Variants in HSCB observed in about 807,000 individuals in gnomAD.
HSCB encodes the protein HscB mitochondrial iron-sulfur cluster cochaperone, also known as iron-sulfur cluster co-chaperone protein HscB.
Under a neutral mutation model 31.3 loss-of-function variants are expected in HSCB, and 23 were observed. The observed-to-expected ratio is 0.74, with a 90% CI of 0.53 to 1.04. HSCB has a LOEUF of 1.04. HSCB is among the 50% of genes least tolerant of loss of function. The probability of loss-of-function intolerance (pLI) is 0.00; values close to 1 mark genes in which losing one functional copy is unlikely to be tolerated. For synonymous variants in HSCB, 110 were observed against 104.5 expected (o/e 1.05, Z -0.32); for missense variants, 297 against 288.1 (o/e 1.03, Z -0.22).
chr22:28,745,769 C>G (rs1215074067), intron 3 of HSCB, 95 bp from the exon 4 acceptor site: 8 of 1,043,660 alleles, frequency 7.7e-6, no homozygotes, highest in Non-Finnish European at 1.1e-5. Context: ...GCAGTTTTCT[C>G]TATTAGTGGT....
chr22:28,752,501 G>T (rs1055019938), intron 5 of HSCB, among the ~76,000 whole-genome samples: 20 of 151,766 alleles, frequency 1.3e-4, no homozygotes, highest in Middle Eastern at 3.4e-3. Context: ...TTGAGAGGCT[G>T]AGGCTGGCGG....
At chr22:28,754,888 C>T (rs1325070563) in intron 5 of HSCB, among the ~76,000 whole-genome samples, 3 of 150,398 alleles carry the variant, frequency 2.0e-5, no homozygotes, top group East Asian at 2.1e-4. Flanking sequence ...CTCAGCCTTT[C>T]GGTTTCAAGT....
At chr22:28,749,213 G>A (rs895374841) in intron 4 of HSCB, among the ~76,000 whole-genome samples, 8 of 151,120 alleles carry the variant, frequency 5.3e-5, no homozygotes, top group Non-Finnish European at 8.8e-5. Context: ...TACAGGGCCC[G>A]GATGCCGTGG....
chr22:28,742,063 C>T lies in HSCB; in HGVS notation c.-33C>T, dbSNP rs1430611222. 3 of 1,581,250 alleles carry T rather than the reference C, an allele frequency of 1.9e-6. No individual in the cohort carries two copies. Among genetic ancestry groups the T allele is most frequent in the Non-Finnish European group, 2.6e-6 (3 of 1,165,350 alleles). The stretch of plus-strand genomic sequence containing the variant: ...TAGACGCTCTCTTTGCTTTTCCCCA[C>T]GAGTGACCACGGCTAGATAGGCCGC... On this transcript the variant is annotated 5_prime_UTR_variant, in exon 1 of 6. It adds an upstream start codon to the 5' untranslated region. Transcript: ENST00000216027.
intron 1 of HSCB, 114 bp downstream of exon 1, chr22:28,742,445 G>C: frequency 6.7e-7 from 1 of 1,481,518 alleles, no homozygotes; most frequent in Non-Finnish European, 9.0e-7. Flanking sequence ...TGATGGGGGG[G>C]CGGAGGTCTA....
Position 28,745,972 on chromosome 22 carries a change from G to T in HSCB, c.532G>T (p.Glu178Ter). ...INEKLAEAES[E>*]AAMKEIESIV... ...TGAAAAACTCGCAGAAGCTGAAAGT[G>T]AAGCTGCCATGAAAGAGATTGAATC... The change falls in exon 4 of 6, where the codon GAA becomes TAA. Residue 178 changes from glutamate to a stop codon, truncating the protein, a stop_gained. Transcript: ENST00000216027. LOFTEE classifies it high-confidence loss of function. The T allele has an allele frequency of 6.2e-7, 1 of 1,613,590 alleles. No homozygotes were observed. The highest frequency in any genetic ancestry group is 8.5e-7 in the Non-Finnish European group (1 of 1,179,822).
At chr22:28,748,687 A>T (rs750251852) in intron 4 of HSCB, among the ~76,000 whole-genome samples, 1 of 150,454 alleles carries the variant, frequency 6.6e-6, no homozygotes, top group African/African-American at 2.4e-5. Flanking sequence ...TAATTTTTCT[A>T]TTTTTTTTAA....
In HSCB at chr22:28,745,965, T is replaced by G; in HGVS notation, c.525T>G (p.Ala175=). 6.2e-7 allele frequency: 1 copy of G among 1,613,840 alleles called. No homozygotes were observed. The highest frequency in any genetic ancestry group is 8.5e-7 in the Non-Finnish European group (1 of 1,179,906). The part of the protein sequence containing the change: ...IMEINEKLAE[A]ESEAAMKEIE... ...AAATCAATGAAAAACTCGCAGAAGCTGAAAGTGAAGCTGCCATGAAAGAGA... is the reference window on the plus strand; with the variant it reads ...AAATCAATGAAAAACTCGCAGAAGCGGAAAGTGAAGCTGCCATGAAAGAGA... The change falls in exon 4 of 6, where the codon GCT becomes GCG. Residue 175 remains alanine, a synonymous_variant. Transcript: ENST00000216027.
rs1037926730 is a variant in HSCB at position 28,757,172 on chromosome 22, G to C, written c.*3G>C. 2.1e-6 allele frequency: 3 copies of C among 1,415,768 alleles called. No homozygotes were observed. Among genetic ancestry groups the C allele is most frequent in the Admixed American group, 3.4e-5 (2 of 59,358 alleles). The allele number at this position is 1,415,768 out of a possible 1,614,324, so 87.7% of individuals were successfully genotyped here. On this transcript the variant is annotated 3_prime_UTR_variant, in exon 6 of 6. Coordinates refer to ENST00000216027, the MANE Select transcript of HSCB (RefSeq NM_172002.5). Reference sequence around the variant, plus strand: ...AGTTAAAGAAGATTCCCCTTTAATTGTGGATAGTTTAAAGTTTAAAAAATA... The same window carrying C: ...AGTTAAAGAAGATTCCCCTTTAATTCTGGATAGTTTAAAGTTTAAAAAATA...
chr22:28,753,396 C>T (rs193202565), intron 5 of HSCB, among the ~76,000 whole-genome samples: 4 of 151,438 alleles, frequency 2.6e-5, no homozygotes, highest in Non-Finnish European at 5.9e-5. Flanking sequence ...GGCATGGTGG[C>T]GGGCGCCTGT....
At chr22:28,751,139 C>T in intron 4 of HSCB, 102 bp from the exon 5 acceptor site, 1 of 710,736 alleles carries the variant, frequency 1.4e-6, no homozygotes, top group South Asian at 1.8e-5. Flanking sequence ...AAACTTCCTC[C>T]TTTGTTGTGT....
chr22:28,751,240 G>T lies in HSCB; in HGVS notation c.569-1G>T, dbSNP rs781583053. On this transcript the variant is annotated splice_acceptor_variant, in intron 4 of 5. Transcript: ENST00000216027. LOFTEE classifies it high-confidence loss of function. ...ATTAACAGAATGGTTTTCTTTTTCA[G>T]CTAAACAGAAAGAATTTACTGACAA... 2 of 1,587,846 alleles carry T rather than the reference G, an allele frequency of 1.3e-6. No homozygotes were observed. The highest frequency in any genetic ancestry group is 1.7e-6 in the Non-Finnish European group (2 of 1,160,934).
chr22:28,755,931 G>C (rs1012448706), intron 5 of HSCB, among the ~76,000 whole-genome samples: 1 of 152,112 alleles, frequency 6.6e-6, no homozygotes, highest in Non-Finnish European at 1.5e-5. Flanking sequence ...CCCCATGGGG[G>C]CAAAATCATC....
At chr22:28,742,383 C>G (rs2054584434) in intron 1 of HSCB, 52 bp downstream of exon 1, 1 of 1,594,556 alleles carries the variant, frequency 6.3e-7, no homozygotes, top group Non-Finnish European at 8.6e-7. Flanking sequence ...ACGTCGAGGT[C>G]TGGCCTGCGA....
At chr22:28,750,945 C>G (rs28624513) in intron 4 of HSCB, among the ~76,000 whole-genome samples, 1 of 56,452 alleles carries the variant, frequency 1.8e-5, no homozygotes, top group African/African-American at 6.7e-5. Context: ...ATATCTTTGT[C>G]TTTTTTTTTT....
At chr22:28,751,201 A>G in intron 4 of HSCB, 40 bp from the exon 5 acceptor site, 10 of 1,307,026 alleles carry the variant, frequency 7.7e-6, no homozygotes, top group Non-Finnish European at 1.1e-5. Flanking sequence ...TTATGAGTCT[A>G]TTTCAATGGA....
At chr22:28,754,592 C>T (rs571820316) in intron 5 of HSCB, among the ~76,000 whole-genome samples, 226 of 151,926 alleles carry the variant, frequency 1.5e-3, no homozygotes, top group African/African-American at 5.2e-3. Context: ...ATCACTTGAA[C>T]CCGGGAGGTG....
Position 28,757,290 on chromosome 22 carries a change from G to C in HSCB, c.*121G>C. Reference sequence around the variant, plus strand: ...TGACAAGGTCAGGAGTTCAAGACCAGCTTGGCCAACATAGTGAAACCCCGT... The same window carrying C: ...TGACAAGGTCAGGAGTTCAAGACCACCTTGGCCAACATAGTGAAACCCCGT... On this transcript the variant is annotated 3_prime_UTR_variant, in exon 6 of 6. Coordinates refer to ENST00000216027, the MANE Select transcript of HSCB (RefSeq NM_172002.5). 2 of 548,774 alleles carry C rather than the reference G, an allele frequency of 3.6e-6. No homozygotes were observed. Among genetic ancestry groups the C allele is most frequent in the Non-Finnish European group, 6.8e-6 (2 of 294,132 alleles). The allele number at this position is 548,774 out of a possible 1,614,324, so 34.0% of individuals were successfully genotyped here. A position where few individuals can be genotyped will look rare whatever the true frequency, so the allele number is the denominator to read the frequency against.
intron 5 of HSCB, 42 bp downstream of exon 5, chr22:28,751,330 T>G: frequency 8.0e-7 from 1 of 1,250,274 alleles, no homozygotes; most frequent in Non-Finnish European, 1.2e-6. Flanking sequence ...GAAAGAAATT[T>G]CAAGCACTGA....
Sources: gnomAD v4.1 joint callset for allele counts (sites outside exome capture counted in the v4.1 genomes callset) on GRCh38, gnomAD v4.1.1 for gene constraint, MANE v1.5 for transcripts, NCBI Gene and HGNC (gene_info 2026-07-23, HGNC 2026-07-21) for gene names.